The following SETD1A variants were observed in gnomAD, a reference collection of about 807,000 sequenced individuals.
SETD1A encodes SET domain containing 1A, histone lysine methyltransferase, also known as histone-lysine N-methyltransferase SETD1A.
Under a neutral mutation model 149.9 loss-of-function variants are expected in SETD1A, and 29 were observed. The observed-to-expected ratio is 0.19, with a 90% CI of 0.14 to 0.26. The LOEUF is 0.26. Among genes scored for constraint, SETD1A ranks in the 10% least tolerant of loss-of-function variants. The pLI is 1.00. For missense variants in SETD1A, 2,109 were observed against 2,353.1 expected, an observed-to-expected ratio of 0.90 and a Z score of 2.15; for synonymous variants, 1,141 against 968.5, an observed-to-expected ratio of 1.18 and a Z score of -3.31.
rs775405326 is a variant in SETD1A at position 30,979,181 on chromosome 16, G to A, written c.3395G>A (p.Arg1132His). 1.2e-5 allele frequency: 19 copies of A among 1,586,692 alleles called. No individual in the cohort carries two copies. Among genetic ancestry groups the A allele is most frequent in the African/African-American group, 4.0e-5 (3 of 74,476 alleles). ...TEESPPSAPL[R>H]PPEPPAGPPA... ...GAGTCACCCCCCAGTGCGCCTCTGC[G>A]TCCCCCAGAACCACCTGCTGGGCCC... The change falls in exon 14 of 19, where the codon CGT becomes CAT. Residue 1132 changes from arginine (R) to histidine (H), a missense_variant. Coordinates refer to ENST00000262519, the MANE Select transcript of SETD1A (RefSeq NM_014712.3).
Position 30,963,492 on chromosome 16 carries a change from G to A in SETD1A, c.577G>A (p.Val193Met), listed in dbSNP as rs1472060841. Residue 193 changes from valine (V) to methionine (M), a missense_variant, in exon 5 of 19, where the codon GTG (valine) becomes ATG (methionine). By Grantham distance (21) the Val-to-Met change is conservative. Transcript: ENST00000262519. ...CAATGGCTCCTACACCCCTCAGACTGTGCCCACTGGGGGCAAGGCCCTGAG... is the reference window on the plus strand; with the variant it reads ...CAATGGCTCCTACACCCCTCAGACTATGCCCACTGGGGGCAAGGCCCTGAG... The part of the protein sequence containing the change: ...IVNGSYTPQT[V>M]PTGGKALSEK... 2 of 1,613,502 alleles carry A rather than the reference G, an allele frequency of 1.2e-6. No homozygotes were observed.
chr16:30,961,263 C>G lies in SETD1A; in HGVS notation c.247-4C>G, dbSNP rs1205904368. Reference sequence around the variant, plus strand: ...CCCCATACCAACTCCTGTTCTTTCCCCAGCTGGACGAGTTCTATATTGGAC... The same window carrying G: ...CCCCATACCAACTCCTGTTCTTTCCGCAGCTGGACGAGTTCTATATTGGAC... On this transcript the variant is annotated splice_polypyrimidine_tract_variant and splice_region_variant and intron_variant, in intron 3 of 18. Transcript: ENST00000262519. The surrounding 1 kb of genome is among the most constrained non-coding windows in gnomAD (Gnocchi z 4.0). 1.9e-6 allele frequency: 3 copies of G among 1,614,040 alleles called. No individual in the cohort carries two copies. The highest frequency in any genetic ancestry group is 1.7e-5 in the Admixed American group (1 of 59,978).
chr16:30,979,031 C>T (rs899599036), intron 13 of SETD1A, 114 bp from the exon 14 acceptor site: 44 of 1,089,950 alleles, frequency 4.0e-5, no homozygotes, highest in East Asian at 1.6e-4. Context: ...GTGTTCCCTC[C>T]GGGGTTCCTG....
chr16:30,980,290 G>A lies in SETD1A; in HGVS notation c.4408+96G>A. The A allele has an allele frequency of 6.8e-7, 1 of 1,463,848 alleles. No individual in the cohort carries two copies. The highest frequency in any genetic ancestry group is 2.1e-4 in the Middle Eastern group (1 of 4,710). 90.7% of individuals were successfully genotyped at this position (1,463,848 alleles called of 1,614,324 possible). On this transcript the variant is annotated intron_variant, in intron 14 of 18. Transcript: ENST00000262519. This position sits in a 1 kb window ranked among gnomAD's most constrained non-coding sequence, Gnocchi z 7.7. The stretch of plus-strand genomic sequence containing the variant: ...GCCCCACTCTGTCTGCCTCCCCTCT[G>A]GCTCCAAGCCATCTTTTCTCTCCTC...
At chr16:30,970,538 GC>G (rs2056211985) in intron 12 of SETD1A, among the ~76,000 whole-genome samples, 1 of 152,144 alleles carries the variant, frequency 6.6e-6, no homozygotes, top group Admixed American at 6.5e-5. Context: ...AAAGTGCTAG[GC>G]TTTCACCTGT....
At position 30,968,757 on chromosome 16, in the gene SETD1A, T is replaced by G. The variant is rs527820952; in HGVS notation, c.2771-548T>G. 2.0e-5 allele frequency among the ~76,000 whole-genome samples: 3 copies of G among 151,912 alleles called. No individual in the cohort carries two copies. The South Asian group carries it at 6.2e-4, about 32-fold the overall frequency. ...CAGAGGCTGCTGTGAGCTGAGATTG[T>G]GCCACTGCACTCCAGCCTGGCGACA... On this transcript the variant is annotated intron_variant, in intron 10 of 18. Coordinates refer to ENST00000262519, the MANE Select transcript of SETD1A (RefSeq NM_014712.3).
In SETD1A at chr16:30,980,792, C is replaced by T. The variant is rs148017984; in HGVS notation, c.4635C>T (p.Ser1545=). 2.0e-4 allele frequency: 323 copies of T among 1,613,024 alleles called. 1 individual carries two copies. In the African/African-American group the frequency reaches 3.7e-3, roughly 19 times the overall value. Residue 1545 remains serine (S), a synonymous_variant, in exon 16 of 19, where the codon AGC becomes AGT. Transcript: ENST00000262519. This position sits in a 1 kb window ranked among gnomAD's most constrained non-coding sequence, Gnocchi z 7.7. ...ERRSEQRRLL[S]AIGTSAIMDS... ...GGTCCGAGCAGCGGCGGCTGCTGAG[C>T]GCCATCGGTACCTCCGCCATCATGG... is the stretch of plus-strand genomic sequence containing the variant.
Position 30,969,307 on chromosome 16 carries a change from C to G in SETD1A, c.2773C>G (p.Pro925Ala). 3 of 1,613,508 alleles carry G rather than the reference C, an allele frequency of 1.9e-6. No individual in the cohort carries two copies. The highest frequency in any genetic ancestry group is 1.7e-6 in the Non-Finnish European group (2 of 1,179,774). Residue 925 changes from proline to alanine, a missense_variant and splice_region_variant, in exon 11 of 19, where the codon CCT becomes GCT. Around this residue, in one of 8 missense-constraint regions of SETD1A, gnomAD observed 832 missense variants for 815.6 expected, o/e 1.02. Transcript: ENST00000262519. ...STPAEEDEDD[P>A]EQEKEAGEPG... is the part of the protein sequence containing the mutation. ...CAACTACCACTCTGCTGGCCTAGAC[C>G]CTGAACAAGAGAAGGAGGCTGGAGA...
intron 8 of SETD1A, 134 bp downstream of exon 8, chr16:30,966,520 C>G (rs1172867658): frequency 1.5e-6 from 2 of 1,378,372 alleles, no homozygotes; most frequent in South Asian, 3.1e-5. Context: ...CCCTGCAGGC[C>G]ACCCTGGGTG....
In SETD1A at chr16:30,963,538, G is replaced by A. The variant is rs753296852; in HGVS notation, c.623G>A (p.Gly208Asp). Reference sequence around the variant, plus strand: ...CTGAGTGAGAAGTTCCAAGGCTCGGGTGCAGCCACTGAGACGGTGAGAAGT... The same window carrying A: ...CTGAGTGAGAAGTTCCAAGGCTCGGATGCAGCCACTGAGACGGTGAGAAGT... ...KALSEKFQGS[G>D]AATETAESRR... Residue 208 changes from glycine to aspartate, a missense_variant, in exon 5 of 19, where the codon GGT (glycine) becomes GAT (aspartate). By Grantham distance (94) the Gly-to-Asp change is moderately conservative. Coordinates refer to ENST00000262519, the MANE Select transcript of SETD1A (RefSeq NM_014712.3). 1.2e-6 allele frequency: 2 copies of A among 1,613,060 alleles called. No homozygotes were observed. Among genetic ancestry groups the A allele is most frequent in the Admixed American group, 1.7e-5 (1 of 59,894 alleles).
rs565089745 is a variant in SETD1A at position 30,973,892 on chromosome 16, G to A, written c.3358+2173G>A. 3.9e-5 allele frequency among the ~76,000 whole-genome samples: 6 copies of A among 152,228 alleles called. No homozygotes were observed. The South Asian group carries it at 1.2e-3, about 32-fold the overall frequency. Reference sequence around the variant, plus strand: ...AGAAGGGCCTGTGGGGTCACCGGCAGGTCAGAAGGCATGGATCTTAGTCCT... The same window carrying A: ...AGAAGGGCCTGTGGGGTCACCGGCAAGTCAGAAGGCATGGATCTTAGTCCT... On this transcript the variant is annotated intron_variant, in intron 13 of 18. Transcript: ENST00000262519.
intron 4 of SETD1A, among the ~76,000 whole-genome samples, chr16:30,962,194 A>G (rs2056062998): frequency 6.6e-6 from 1 of 151,622 alleles, no homozygotes; most frequent in African/African-American, 2.4e-5. Context: ...CCTCTTGAGT[A>G]GCTAGGATTA....
Position 30,957,887 on chromosome 16 carries a change from C to G in SETD1A, c.-93C>G, listed in dbSNP as rs1164606105. ...CGCCGGCCGAGGCGAAGCCGCTACCCTCGGCCCCGTGGGTCCCCCGGCAGC... is the reference window on the plus strand; with the variant it reads ...CGCCGGCCGAGGCGAAGCCGCTACCGTCGGCCCCGTGGGTCCCCCGGCAGC... On this transcript the variant is annotated 5_prime_UTR_variant, in exon 1 of 19. Transcript: ENST00000262519. The G allele has an allele frequency of 6.6e-6, 1 of 152,340 alleles. No homozygotes were observed. The allele number at this position is 152,340 out of a possible 1,614,324, so 9.4% of individuals were successfully genotyped here. A position where few individuals can be genotyped will look rare whatever the true frequency, so the allele number is the denominator to read the frequency against.
chr16:30,975,880 G>A (rs2056278567), intron 13 of SETD1A, among the ~76,000 whole-genome samples: 1 of 152,112 alleles, frequency 6.6e-6, no homozygotes, highest in Admixed American at 6.6e-5. Flanking sequence ...AAGTAGATGA[G>A]GTTTGGGCAT....
In SETD1A at chr16:30,978,009, C is replaced by T. The variant is rs2056304788; in HGVS notation, c.3359-1136C>T. 4.6e-5 allele frequency among the ~76,000 whole-genome samples: 7 copies of T among 151,950 alleles called. No individual in the cohort carries two copies. In the South Asian group the frequency reaches 1.4e-3, roughly 31 times the overall value. ...TAGGACCCTCTGCTGGGTACAGTGG[C>T]TCACGCCTGTAACCCCAGCACTTTG... On this transcript the variant is annotated intron_variant, in intron 13 of 18. Transcript: ENST00000262519.
At chr16:30,971,971 A>G (rs2056231502) in intron 13 of SETD1A, among the ~76,000 whole-genome samples, 1 of 152,218 alleles carries the variant, frequency 6.6e-6, no homozygotes, top group Non-Finnish European at 1.5e-5. Flanking sequence ...TCTCTTCTCA[A>G]GTAAATTAAG....
At chr16:30,966,850 G>C in intron 8 of SETD1A, 34 bp from the exon 9 acceptor site, 1 of 1,518,476 alleles carries the variant, frequency 6.6e-7, no homozygotes, top group Non-Finnish European at 8.8e-7. Context: ...CCTGGGTTCT[G>C]GGCGCTGGGG....
Position 30,980,526 on chromosome 16 carries a change from G to A in SETD1A, c.4450G>A (p.Asp1484Asn). 1 of 1,614,150 alleles carries A rather than the reference G, an allele frequency of 6.2e-7. No individual in the cohort carries two copies. The highest frequency in any genetic ancestry group is 8.5e-7 in the Non-Finnish European group (1 of 1,180,026). ...CCCAAAACGCAAGCGGCGGCCCCAG[G>A]ATGGGCCCCGGGAGCACCAGACAGG... ...TTPKRKRRPQDGPREHQTGSA... is the reference protein window; with the variant it reads ...TTPKRKRRPQNGPREHQTGSA... Residue 1484 changes from aspartate to asparagine, a missense_variant, in exon 15 of 19, where the codon GAT becomes AAT. Physicochemically the swap from Asp to Asn is conservative, Grantham distance 23 (BLOSUM62 1). Around this residue, in one of 8 missense-constraint regions of SETD1A, gnomAD observed 254 missense variants for 409.3 expected, o/e 0.62. Coordinates refer to ENST00000262519, the MANE Select transcript of SETD1A (RefSeq NM_014712.3). This position sits in a 1 kb window ranked among gnomAD's most constrained non-coding sequence, Gnocchi z 7.7.
chr16:30,964,487 A>G (rs753915737), intron 6 of SETD1A, 125 bp from the exon 7 acceptor site: 317 of 1,491,356 alleles, frequency 2.1e-4, no homozygotes, highest in Non-Finnish European at 2.7e-4. Flanking sequence ...CACACTAGCT[A>G]GGAACCCAAC....
Sources: allele counts gnomAD v4.1 joint callset (sites outside exome capture counted in the v4.1 genomes callset), GRCh38; gene constraint gnomAD v4.1.1; regional missense constraint gnomAD v4.1.1; non-coding constraint Gnocchi (gnomAD v3.1); transcripts MANE v1.5; gene names NCBI Gene and HGNC (gene_info 2026-07-23, HGNC 2026-07-21).